The following DRC9 variants were observed in gnomAD, a reference collection of about 807,000 sequenced individuals.
The protein encoded by DRC9 is dynein regulatory complex subunit 9.
chr3:197,934,951 A>G, the DRC9 span, among the ~76,000 whole-genome samples: 2 of 152,048 alleles, frequency 1.3e-5, no homozygotes, highest in African/African-American at 2.4e-5. Context: ...TGCCTGAGTG[A>G]CAGAGTGAGA....
At chr3:197,895,387 A>C in the DRC9 span, among the ~76,000 whole-genome samples, 2 of 152,162 alleles carry the variant, frequency 1.3e-5, no homozygotes, top group Non-Finnish European at 2.9e-5. Context: ...CTCCCATCTC[A>C]GCCTTCTCAG....
the DRC9 span, among the ~76,000 whole-genome samples, chr3:197,946,988 T>C: frequency 2.0e-5 from 3 of 152,114 alleles, no homozygotes; most frequent in African/African-American, 7.2e-5. Context: ...ATTTTGTATT[T>C]TTAGTAGAGA....
At chr3:197,939,989 A>T in the DRC9 span, among the ~76,000 whole-genome samples, 1 of 151,566 alleles carries the variant, frequency 6.6e-6, no homozygotes, top group South Asian at 2.1e-4. Flanking sequence ...GTTCTAGTTG[A>T]CGCACTAAAA....
At chr3:197,944,449 T>TTTA in the DRC9 span, among the ~76,000 whole-genome samples, 16 of 149,906 alleles carry the variant, frequency 1.1e-4, no homozygotes, top group East Asian at 2.9e-3. Context: ...TTTTATTTTA[T>TTTA]TTTATTTTAT....
At chr3:197,892,809 G>A in the DRC9 span, 2 of 1,606,388 alleles carry the variant, frequency 1.2e-6, no homozygotes, top group South Asian at 1.1e-5. Context: ...ACAAAACGCT[G>A]TATACTGTAT....
chr3:197,910,436 G>A, the DRC9 span, among the ~76,000 whole-genome samples: 1 of 152,162 alleles, frequency 6.6e-6, no homozygotes, highest in South Asian at 2.1e-4. Context: ...CACCTGCCAG[G>A]TATCTCACAC....
chr3:197,889,869 T>C, the DRC9 span, among the ~76,000 whole-genome samples: 1 of 152,216 alleles, frequency 6.6e-6, no homozygotes, highest in Admixed American at 6.5e-5. Context: ...ACTTCAGCGA[T>C]GCTCTCCTGT....
At chr3:197,950,705 T>C in the DRC9 span, 4 of 570,140 alleles carry the variant, frequency 7.0e-6, no homozygotes, top group Admixed American at 6.2e-5. Flanking sequence ...GTGACTCCTG[T>C]CCCTTAGTTT....
At chr3:197,926,671 A>G in the DRC9 span, among the ~76,000 whole-genome samples, 12 of 152,040 alleles carry the variant, frequency 7.9e-5, no homozygotes, top group Non-Finnish European at 1.5e-4. Flanking sequence ...CTGCCCACAG[A>G]CTGCTCCCAT....
the DRC9 span, chr3:197,951,457 A>G: frequency 2.3e-6 from 2 of 855,638 alleles, no homozygotes; most frequent in East Asian, 2.6e-5. Context: ...GGTTCAAGCA[A>G]GTGTCCTGTC....
At chr3:197,904,732 C>T in the DRC9 span, among the ~76,000 whole-genome samples, 342 of 152,192 alleles carry the variant, frequency 2.2e-3, no homozygotes, top group African/African-American at 7.5e-3. Flanking sequence ...TGGTGGCGCA[C>T]ACCTGTAGTC....
At chr3:197,947,111 G>T in the DRC9 span, among the ~76,000 whole-genome samples, 1 of 152,110 alleles carries the variant, frequency 6.6e-6, no homozygotes, top group Non-Finnish European at 1.5e-5. Flanking sequence ...GCGCCCAGGC[G>T]GATTTTACTT....
chr3:197,923,893 C>T, the DRC9 span, among the ~76,000 whole-genome samples: 1 of 151,786 alleles, frequency 6.6e-6, no homozygotes, highest in Non-Finnish European at 1.5e-5. Flanking sequence ...AAAGCAAGAC[C>T]CCACCTCTAC....
At chr3:197,913,331 TGC>T in the DRC9 span, 16 of 209,542 alleles carry the variant, frequency 7.6e-5, no homozygotes, top group African/African-American at 3.5e-4. Context: ...CGTGTGTGCG[TGC>T]GTGCGTGCGT....
At chr3:197,890,913 C>T in the DRC9 span, among the ~76,000 whole-genome samples, 1 of 152,216 alleles carries the variant, frequency 6.6e-6, no homozygotes, top group African/African-American at 2.4e-5. Context: ...CAGACAGGTG[C>T]CGTCCAGCTT....
the DRC9 span, among the ~76,000 whole-genome samples, chr3:197,931,614 AT>A: frequency 1.4e-4 from 21 of 147,816 alleles, no homozygotes; most frequent in South Asian, 4.3e-4. Context: ...AATTAAATCT[AT>A]TTTTTTTTTT....
chr3:197,904,110 ATTTT>A, the DRC9 span, among the ~76,000 whole-genome samples: 9 of 80,832 alleles, frequency 1.1e-4, no homozygotes, highest in African/African-American at 2.1e-4. Context: ...ATATATATAT[ATTTT>A]TTTTTTTAAA....
At chr3:197,889,812 G>GACAA in the DRC9 span, 6 of 1,386,212 alleles carry the variant, frequency 4.3e-6, no homozygotes, top group Non-Finnish European at 6.1e-6. Flanking sequence ...ACTTCTGTCT[G>GACAA]ACAAACAGTC....
At chr3:197,959,146 G>A in the DRC9 span, 2 of 152,168 alleles carry the variant, frequency 1.3e-5, no homozygotes, top group Non-Finnish European at 2.9e-5. Flanking sequence ...GGCAGAGGTT[G>A]CATTGAGCCG....
Sources: allele counts gnomAD v4.1 joint callset (sites outside exome capture counted in the v4.1 genomes callset), GRCh38; gene constraint gnomAD v4.1.1; transcripts MANE v1.5; gene names NCBI Gene and HGNC (gene_info 2026-07-23, HGNC 2026-07-21).